CFAP46: variants seen among roughly 807,000 people sequenced by gnomAD.
CFAP46 encodes the protein cilia and flagella associated protein 46.
CFAP46 carries 245 observed loss-of-function variants against 325.7 expected under a neutral mutation model. The observed-to-expected ratio is 0.75, with a 90% CI of 0.68 to 0.84. The LOEUF is 0.84. Ranked by LOEUF, CFAP46 falls within the 40% of genes least tolerant of loss-of-function variation. The pLI is 0.00. For missense variants in CFAP46, 3,346 were observed against 3,543.0 expected (o/e 0.94, Z 1.41); for synonymous variants, 1,523 against 1,495.9 (o/e 1.02, Z -0.42).
intron 19 of CFAP46, among the ~76,000 whole-genome samples, chr10:132,910,549 C>A (rs1849526692): frequency 6.6e-6 from 1 of 152,248 alleles, no homozygotes; most frequent in African/African-American, 2.4e-5. Flanking sequence ...TGAGTTTCTT[C>A]ATGCTGTGCG....
chr10:132,901,045 G>C (rs1849385690), intron 22 of CFAP46, among the ~76,000 whole-genome samples: 1 of 152,232 alleles, frequency 6.6e-6, no homozygotes, highest in Non-Finnish European at 1.5e-5. Context: ...CAGCTTTCTT[G>C]TGGTTGGCAC....
chr10:132,860,798 G>C lies in CFAP46; in HGVS notation c.5075C>G (p.Ser1692Ter), dbSNP rs1254669124. 9.0e-6 allele frequency: 14 copies of C among 1,550,934 alleles called. No homozygotes were observed. Among genetic ancestry groups the C allele is most frequent in the Non-Finnish European group, 1.2e-5 (14 of 1,147,104 alleles). ...LAEALLSMEH[S>*]GREATVCHIF... ...GCCTCTTACCGTAGCTTCCCTTCCT[G>C]AGTGTTCCATGGACAAGAGCGCCTC... Residue 1692 changes from serine to a stop codon, truncating the protein, a stop_gained, in exon 36 of 58, where the codon TCA becomes TGA. Coordinates refer to ENST00000368586, the MANE Select transcript of CFAP46 (RefSeq NM_001200049.3). LOFTEE classifies it high-confidence loss of function.
chr10:132,865,910 C>G lies in CFAP46; in HGVS notation c.4890+115G>C, dbSNP rs186773982. Reference sequence around the variant, plus strand: ...GAGCTGGACCCAGACAAGAGAGGCACGTGGCCCTGCTAGAGCTGAACGCTA... The same window carrying G: ...GAGCTGGACCCAGACAAGAGAGGCAGGTGGCCCTGCTAGAGCTGAACGCTA... On this transcript the variant is annotated intron_variant, in intron 35 of 57. Coordinates refer to ENST00000368586, the MANE Select transcript of CFAP46 (RefSeq NM_001200049.3). The G allele has an allele frequency of 6.5e-6, 7 of 1,069,700 alleles. 1 individual carries two copies. In the South Asian group the frequency reaches 2.4e-4, roughly 37 times the overall value. The allele number at this position is 1,069,700 out of a possible 1,614,324, so 66.3% of individuals were successfully genotyped here.
chr10:132,821,037 ATGTGTGCTG>A (rs1326621455), intron 50 of CFAP46, among the ~76,000 whole-genome samples: 2 of 81,988 alleles, frequency 2.4e-5, no homozygotes, highest in African/African-American at 5.4e-5. Context: ...GTGTGTGCTG[ATGTGTGCTG>A]TGTGTGCTGT....
At chr10:132,823,289 CTG>C (rs1293413252) in intron 50 of CFAP46, among the ~76,000 whole-genome samples, 1 of 79,510 alleles carries the variant, frequency 1.3e-5, no homozygotes, top group Non-Finnish European at 2.3e-5. Context: ...GCTGTGTGTG[CTG>C]TGTGTTGTGT....
In CFAP46 at chr10:132,870,475, T is replaced by C. The variant is rs145782870; in HGVS notation, c.4512-1103A>G. Among the ~76,000 whole-genome samples the C allele has an allele frequency of 9.9e-3, 1,499 of 152,148 alleles. 15 individuals carry two copies. Among genetic ancestry groups the C allele is most frequent in the South Asian group, 0.044 (210 of 4,820 alleles). ...GCACCAGTTAACCAAGCTGTAAGTGTGAAGGGAAAGTTCTGAAAGGAAATG... is the reference window on the plus strand; with the variant it reads ...GCACCAGTTAACCAAGCTGTAAGTGCGAAGGGAAAGTTCTGAAAGGAAATG... On this transcript the variant is annotated intron_variant, in intron 32 of 57. Transcript: ENST00000368586.
chr10:132,879,574 G>T lies in CFAP46; in HGVS notation c.3857C>A (p.Ala1286Glu). ...PRSPVSEAEE[A>E]VSLEQLRSVR... ...GCTACGCAGCTGCTCCAAGGACACC[G>T]CCTCCTCGGCCTCGGACACGGGGCT... Residue 1286 changes from alanine (A) to glutamate (E), a missense_variant, in exon 29 of 58, where the codon GCG becomes GAG. Ala to Glu is a moderately radical substitution (Grantham distance 107, BLOSUM62 -1). Transcript: ENST00000368586. 6.5e-7 allele frequency: 1 copy of T among 1,546,544 alleles called. No homozygotes were observed.
chr10:132,857,836 C>T (rs996775704), intron 38 of CFAP46, 48 bp from the exon 39 acceptor site: 1 of 1,381,930 alleles, frequency 7.2e-7, no homozygotes, highest in Non-Finnish European at 9.7e-7. Flanking sequence ...GTTATTATTA[C>T]TAAATGTTTA....
At position 132,808,599 on chromosome 10, in the gene CFAP46, C is replaced by T. The variant is rs766366866; in HGVS notation, c.7970G>A (p.Arg2657His). 1.3e-5 allele frequency: 21 copies of T among 1,612,386 alleles called. No individual in the cohort carries two copies. Among genetic ancestry groups the T allele is most frequent in the South Asian group, 1.1e-4 (10 of 91,034 alleles). Residue 2657 changes from arginine (R) to histidine (H), a missense_variant, in exon 58 of 58, where the codon CGC becomes CAC. Transcript: ENST00000368586. This position sits in a 1 kb window ranked among gnomAD's most constrained non-coding sequence, Gnocchi z 6.8. ...SARDPPPATS[R>H]KAAAWTSSSA... ...GCTCGAGGTCCAGGCGGCTGCCTTG[C>T]GGGAAGTCGCTGGGGGAGGGTCCCT...
At chr10:132,903,704 AC>A (rs1487752400) in intron 22 of CFAP46, among the ~76,000 whole-genome samples, 2 of 152,238 alleles carry the variant, frequency 1.3e-5, no homozygotes, top group African/African-American at 4.8e-5. Context: ...CAAGGCCGGA[AC>A]TAGGTGACTT....
intron 43 of CFAP46, 110 bp downstream of exon 43, chr10:132,846,815 TGGCCTGC>T: frequency 7.6e-7 from 1 of 1,320,430 alleles, no homozygotes; most frequent in Non-Finnish European, 1.0e-6. Context: ...TTAAGGACCC[TGGCCTGC>T]GGCCTGCTTC....
In CFAP46 at chr10:132,814,841, C is replaced by T. The variant is rs769708646; in HGVS notation, c.7188+3G>A. On this transcript the variant is annotated splice_donor_region_variant and intron_variant, in intron 51 of 57. Transcript: ENST00000368586. ...CGATCCCCTATCACAGGCCCCCACC[C>T]ACCTTCCTGCCCTTCTTCGCTAGGC... The T allele has an allele frequency of 1.2e-6, 2 of 1,614,210 alleles. No homozygotes were observed. Among genetic ancestry groups the T allele is most frequent in the Non-Finnish European group, 8.5e-7 (1 of 1,180,016 alleles).
chr10:132,908,429 C>T (rs771065473), intron 22 of CFAP46, 39 bp downstream of exon 22: 14 of 1,548,686 alleles, frequency 9.0e-6, no homozygotes, highest in South Asian at 2.4e-5. Context: ...GCTCCCTGCC[C>T]GTTTTGAGGG....
At chr10:132,825,435 G>A (rs1389490198) in intron 50 of CFAP46, among the ~76,000 whole-genome samples, 1 of 152,174 alleles carries the variant, frequency 6.6e-6, no homozygotes, top group Non-Finnish European at 1.5e-5. Flanking sequence ...GGGGCAGGAG[G>A]AGCCTTTGGG....
intron 28 of CFAP46, among the ~76,000 whole-genome samples, chr10:132,879,898 G>C (rs751648089): frequency 3.3e-5 from 5 of 152,116 alleles, no homozygotes; most frequent in Admixed American, 1.3e-4. Flanking sequence ...GAGCTCTCCT[G>C]CTGCCCTGTG....
At chr10:132,905,377 C>T (rs770110877) in intron 22 of CFAP46, among the ~76,000 whole-genome samples, 19 of 152,112 alleles carry the variant, frequency 1.2e-4, no homozygotes, top group South Asian at 1.0e-3. Context: ...CTCCGCACAG[C>T]GTCCATCTGG....
chr10:132,809,072 C>T (rs1280395013), intron 57 of CFAP46, among the ~76,000 whole-genome samples, 168 bp from the exon 58 acceptor site: 1 of 152,170 alleles, frequency 6.6e-6, no homozygotes, highest in East Asian at 1.9e-4. Context: ...ACCCGCACCC[C>T]TCCCGCACCG....
In CFAP46 at chr10:132,880,849, G is replaced by T. The variant is rs1292283076; in HGVS notation, c.3799+12C>A. On this transcript the variant is annotated intron_variant, in intron 28 of 57. Coordinates refer to ENST00000368586, the MANE Select transcript of CFAP46 (RefSeq NM_001200049.3). ...GCGTGGGGTCGGCACCCTGCCAGCG[G>T]CGTGGGCTCACCATCCGGCGTGGGC... 3.2e-6 allele frequency: 5 copies of T among 1,543,406 alleles called. No individual in the cohort carries two copies. The highest frequency in any genetic ancestry group is 4.4e-6 in the Non-Finnish European group (5 of 1,145,904).
Position 132,892,431 on chromosome 10 carries a change from A to G in CFAP46, c.3220-14T>C. ...CTTTCCTTTCTCCTAAAGTAACGCAAGTAAACGACACGTATATTTGAAAGT... is the reference window on the plus strand; with the variant it reads ...CTTTCCTTTCTCCTAAAGTAACGCAGGTAAACGACACGTATATTTGAAAGT... On this transcript the variant is annotated splice_polypyrimidine_tract_variant and intron_variant, in intron 24 of 57. Coordinates refer to ENST00000368586, the MANE Select transcript of CFAP46 (RefSeq NM_001200049.3). The G allele has an allele frequency of 1.3e-6, 2 of 1,550,052 alleles. No individual in the cohort carries two copies. The highest frequency in any genetic ancestry group is 2.0e-5 in the Admixed American group (1 of 50,988).
Sources: allele counts gnomAD v4.1 joint callset (sites outside exome capture counted in the v4.1 genomes callset), GRCh38; gene constraint gnomAD v4.1.1; non-coding constraint Gnocchi (gnomAD v3.1); transcripts MANE v1.5; gene names NCBI Gene and HGNC (gene_info 2026-07-23, HGNC 2026-07-21).